The following SPNS3 variants were observed in gnomAD, a reference collection of about 807,000 sequenced individuals.
SPNS3 encodes the protein SPNS lysolipid transporter 3, sphingosine-1-phosphate (putative).
A neutral mutation model predicts 54.4 loss-of-function variants in SPNS3; 51 were observed. The ratio of observed to expected loss-of-function variants is 0.94; its 90% CI spans 0.75 to 1.18. The LOEUF (loss-of-function observed/expected upper bound fraction) is 1.18, where lower values mean the gene tolerates loss of function less well. SPNS3 is among the 50% of genes most tolerant of loss of function. SPNS3 has a pLI of 0.00. For synonymous variants in SPNS3, 309 were observed against 294.7 expected, an observed-to-expected ratio of 1.05 and a Z score of -0.50; for missense variants, 669 against 677.4, an observed-to-expected ratio of 0.99 and a Z score of 0.14.
intron 4 of SPNS3, chr17:4,446,467 C>T (rs1472094551): frequency 4.1e-6 from 2 of 492,270 alleles, no homozygotes; most frequent in Non-Finnish European, 7.3e-6. Flanking sequence ...GGCAGTGTGG[C>T]CCACCCAGGG....
chr17:4,473,414 AAG>A lies in SPNS3; in HGVS notation c.1114-5149_1114-5148del, dbSNP rs1301754688. ...CAGTCTTTTTTTTTTTTTTTTTTTA[AAG>A]AGAGAGAGTCTCACTCTTTTGCCCA... On this transcript the variant is annotated intron_variant, in intron 8 of 11. Coordinates refer to ENST00000355530, the MANE Select transcript of SPNS3 (RefSeq NM_182538.5). Among the ~76,000 whole-genome samples, 381 of 140,512 alleles carry A rather than the reference AAG, an allele frequency of 2.7e-3. 1 individual carries two copies. The highest frequency in any genetic ancestry group is 0.011 in the Middle Eastern group (3 of 280). The allele number at this position is 140,512 out of a possible 152,430, so 92.2% of individuals were successfully genotyped here. A position where few individuals can be genotyped will look rare whatever the true frequency, so the allele number is the denominator to read the frequency against.
At chr17:4,476,979 C>T (rs1487822664) in intron 8 of SPNS3, among the ~76,000 whole-genome samples, 1 of 152,220 alleles carries the variant, frequency 6.6e-6, no homozygotes, top group African/African-American at 2.4e-5. Context: ...CTGGGCCCGT[C>T]CTGATCCTGA....
At position 4,449,275 on chromosome 17, in the gene SPNS3, G is replaced by A. The variant is rs372663444; in HGVS notation, c.811G>A (p.Ala271Thr). 1.1e-4 allele frequency: 177 copies of A among 1,612,456 alleles called. No individual in the cohort carries two copies. The highest frequency in any genetic ancestry group is 1.5e-4 in the Non-Finnish European group (174 of 1,179,914). Reference protein sequence around the residue: ...VWSTLGVTAMAFVTGALGFWA... With the variant: ...VWSTLGVTAMTFVTGALGFWA... ...GTCGACCCTCGGAGTGACCGCCATG[G>A]CCTTTGTGACTGGAGCCCTGGGGTT... is the stretch of plus-strand genomic sequence containing the variant. The change falls in exon 7 of 12, where the codon GCC (alanine) becomes ACC (threonine). Residue 271 changes from alanine to threonine, a missense_variant. By Grantham distance (58) the Ala-to-Thr change is moderately conservative. Coordinates refer to ENST00000355530, the MANE Select transcript of SPNS3 (RefSeq NM_182538.5).
At chr17:4,473,937 C>T (rs1305564336) in intron 8 of SPNS3, among the ~76,000 whole-genome samples, 3 of 152,118 alleles carry the variant, frequency 2.0e-5, no homozygotes, top group Non-Finnish European at 4.4e-5. Flanking sequence ...CCTACCACTT[C>T]CCAGACTTGG....
At chr17:4,487,618 C>A (rs370148378) in intron 11 of SPNS3, among the ~76,000 whole-genome samples, 188 bp from the exon 12 acceptor site, 114 of 152,346 alleles carry the variant, frequency 7.5e-4, no homozygotes, top group African/African-American at 2.6e-3. Flanking sequence ...TAGCCGACTC[C>A]CCTTCCAGGG....
chr17:4,439,855 G>A (rs3809852), intron 2 of SPNS3, 132 bp downstream of exon 2: 53,358 of 781,062 alleles, frequency 0.068, 2,056 homozygotes, highest in Non-Finnish European at 0.082. Context: ...TGGGGTATGG[G>A]CCTGAGGGAC....
chr17:4,475,628 G>C (rs924025), intron 8 of SPNS3, among the ~76,000 whole-genome samples: 1 of 152,040 alleles, frequency 6.6e-6, no homozygotes, highest in Admixed American at 6.5e-5. Context: ...TCTCCTGGCT[G>C]GCTCAGCCAC....
At chr17:4,459,288 C>G (rs1012033656) in intron 8 of SPNS3, among the ~76,000 whole-genome samples, 1 of 152,274 alleles carries the variant, frequency 6.6e-6, no homozygotes, top group Middle Eastern at 3.4e-3. Flanking sequence ...GTGTCAGGCA[C>G]GTGGACAGGT....
chr17:4,441,973 C>T (rs1038073116), intron 2 of SPNS3, among the ~76,000 whole-genome samples: 12 of 53,780 alleles, frequency 2.2e-4, no homozygotes, highest in African/African-American at 3.2e-4. Flanking sequence ...TCCTGGGCCA[C>T]GGAGGGAGAA....
intron 1 of SPNS3, 63 bp from the exon 2 acceptor site, chr17:4,439,594 CA>C: frequency 3.3e-6 from 5 of 1,513,578 alleles, no homozygotes; most frequent in Non-Finnish European, 4.5e-6. Context: ...AAACCTGGAG[CA>C]GCTGCCTTTA....
intron 7 of SPNS3, among the ~76,000 whole-genome samples, chr17:4,451,894 G>C (rs1971177389): frequency 6.6e-6 from 1 of 151,074 alleles, no homozygotes; most frequent in African/African-American, 2.4e-5. Context: ...GGCCAGGCTG[G>C]TCTTGAATTC....
intron 1 of SPNS3, among the ~76,000 whole-genome samples, chr17:4,435,464 A>AAAAT (rs1555528375): frequency 4.0e-5 from 6 of 150,536 alleles, no homozygotes; most frequent in South Asian, 4.2e-4. Flanking sequence ...TAAAAAATAA[A>AAAAT]AAATAAATAA....
intron 1 of SPNS3, among the ~76,000 whole-genome samples, chr17:4,434,954 C>T (rs916669204): frequency 2.6e-5 from 4 of 151,942 alleles, no homozygotes; most frequent in African/African-American, 4.8e-5. Flanking sequence ...AGGCGCATAC[C>T]ACCATGCCAG....
chr17:4,450,184 C>T (rs1246455859), intron 7 of SPNS3, among the ~76,000 whole-genome samples: 2 of 151,908 alleles, frequency 1.3e-5, no homozygotes, highest in African/African-American at 4.8e-5. Flanking sequence ...CTCCATCCTC[C>T]CCCAGGGTTT....
chr17:4,486,101 C>T lies in SPNS3; in HGVS notation c.1180-127C>T, dbSNP rs530624715. 1.4e-4 allele frequency: 106 copies of T among 735,896 alleles called. No individual in the cohort carries two copies. Among genetic ancestry groups the T allele is most frequent in the South Asian group, 9.3e-4 (40 of 42,982 alleles). The allele number at this position is 735,896 out of a possible 1,614,324, so 45.6% of individuals were successfully genotyped here. ...TGGGACTTTAGACCTTGGGGACCGT[C>T]GACTCCCTCCCATCCCACTCACCTG... On this transcript the variant is annotated intron_variant, in intron 9 of 11. Transcript: ENST00000355530. The surrounding 1 kb of genome is among the most constrained non-coding windows in gnomAD (Gnocchi z 5.5).
chr17:4,482,100 A>C (rs184567), intron 9 of SPNS3: 9,951 of 152,274 alleles, frequency 0.065, 397 homozygotes, highest in African/African-American at 0.1. Context: ...GTTGGCCAGG[A>C]TGGTCTCGAT....
intron 8 of SPNS3, among the ~76,000 whole-genome samples, chr17:4,460,607 ATTT>A (rs60134022): frequency 1.6e-5 from 2 of 121,652 alleles, no homozygotes; most frequent in Admixed American, 8.4e-5. Flanking sequence ...AATTTTTTGT[ATTT>A]TTTTTTTTTT....
chr17:4,456,463 G>C (rs1032690340), intron 8 of SPNS3, among the ~76,000 whole-genome samples: 1 of 152,180 alleles, frequency 6.6e-6, no homozygotes, highest in Non-Finnish European at 1.5e-5. Context: ...TCTTCTGCAC[G>C]TGCTCTTATT....
chr17:4,453,284 C>T (rs113380595), intron 8 of SPNS3, 79 bp downstream of exon 8: 134 of 1,364,934 alleles, frequency 9.8e-5, no homozygotes, highest in South Asian at 3.6e-4. Flanking sequence ...ATGCTGCGCC[C>T]GGCCTTTATG....
Sources: gnomAD v4.1 joint callset for allele counts (sites outside exome capture counted in the v4.1 genomes callset) on GRCh38, gnomAD v4.1.1 for gene constraint, Gnocchi (gnomAD v3.1) non-coding constraint, MANE v1.5 for transcripts, NCBI Gene and HGNC (gene_info 2026-07-23, HGNC 2026-07-21) for gene names.